GLRA2: variants seen among roughly 807,000 people sequenced by gnomAD.
GLRA2 encodes glycine receptor alpha 2, also known as glycine receptor subunit alpha-2.
Under a neutral mutation model 31.6 loss-of-function variants are expected in GLRA2, and 11 were observed. That is an observed-to-expected ratio of 0.35 (90% CI 0.22 to 0.58). The LOEUF is 0.58. Among genes scored for constraint, GLRA2 ranks in the 20% least tolerant of loss-of-function variants. GLRA2 has a pLI of 0.84. For missense variants in GLRA2, 212 were observed against 351.8 expected (o/e 0.60, Z 3.18); for synonymous variants, 132 against 134.0 (o/e 0.99, Z 0.10).
intron 2 of GLRA2, among the ~76,000 whole-genome samples, chrX:14,532,729 T>C (rs751843620): frequency 1.8e-5 from 2 of 111,906 alleles, no homozygotes; most frequent in Non-Finnish European, 1.9e-5. Context: ...ATTCAGTGGT[T>C]ACTCCAAAAT....
chrX:14,581,766 G>GCACACACACACA (rs57962541), intron 4 of GLRA2, among the ~76,000 whole-genome samples: 113 of 90,881 alleles, frequency 1.2e-3, no homozygotes, highest in African/African-American at 4.0e-3. Context: ...ATTCAAGCAT[G>GCACACACACACA]CACACACACA....
At chrX:14,571,251 T>C (rs1177095334) in intron 2 of GLRA2, among the ~76,000 whole-genome samples, 1 of 112,211 alleles carries the variant, frequency 8.9e-6, no homozygotes, top group Non-Finnish European at 1.9e-5. Flanking sequence ...TTTCCTTCTG[T>C]AGTTTACAGA....
intron 4 of GLRA2, among the ~76,000 whole-genome samples, chrX:14,586,358 C>A (rs1021417357): frequency 8.9e-6 from 1 of 112,299 alleles, no homozygotes; most frequent in African/African-American, 3.2e-5. Context: ...CATTTCTGTC[C>A]ATTTTTCTTT....
At chrX:14,490,765 G>A in the GLRA2 span, among the ~76,000 whole-genome samples, 1 of 111,867 alleles carries the variant, frequency 8.9e-6, no homozygotes, top group Admixed American at 9.5e-5. Flanking sequence ...GGGGTGGGAA[G>A]ATTGAAGAGA....
rs371041278 is a variant in GLRA2, at chrX:14,625,523, G to A, written c.930+16318G>A. 4.3e-4 allele frequency among the ~76,000 whole-genome samples: 48 copies of A among 111,427 alleles called. No homozygotes were observed. In the East Asian group the frequency reaches 9.9e-3, roughly 23 times the overall value. On this transcript the variant is annotated intron_variant, in intron 7 of 8. Transcript: ENST00000218075. Reference sequence around the variant, plus strand: ...TCCATGTTTAGTGCTTCCTTCAGGAGCTCTTGTAAGGCAGGCCTGGTGGTG... The same window carrying A: ...TCCATGTTTAGTGCTTCCTTCAGGAACTCTTGTAAGGCAGGCCTGGTGGTG...
At chrX:14,559,233 T>C (rs762366953) in intron 2 of GLRA2, among the ~76,000 whole-genome samples, 1 of 111,116 alleles carries the variant, frequency 9.0e-6, no homozygotes, top group South Asian at 3.8e-4. Context: ...ACATCCAGCA[T>C]GTTTACTTCT....
At chrX:14,557,361 C>T (rs924539926) in intron 2 of GLRA2, among the ~76,000 whole-genome samples, 2 of 110,270 alleles carry the variant, frequency 1.8e-5, no homozygotes, top group Admixed American at 9.6e-5. Context: ...GTGATCCGCC[C>T]GCCTCGGCCT....
chrX:14,703,021 C>T (rs372932625), intron 8 of GLRA2, among the ~76,000 whole-genome samples: 10 of 111,522 alleles, frequency 9.0e-5, no homozygotes, highest in African/African-American at 3.3e-4. Context: ...AGCAGCAGTG[C>T]CATGGGACCT....
chrX:14,513,722 C>G, the GLRA2 span, among the ~76,000 whole-genome samples: 1 of 111,615 alleles, frequency 9.0e-6, no homozygotes, highest in Non-Finnish European at 1.9e-5. Context: ...GCAATACCAC[C>G]TTACTCCTGC....
chrX:14,593,386 G>A (rs777171028), intron 4 of GLRA2, among the ~76,000 whole-genome samples: 3 of 112,032 alleles, frequency 2.7e-5, no homozygotes, highest in African/African-American at 9.7e-5. Context: ...AGTTCCACAT[G>A]AGATATACTC....
intron 3 of GLRA2, among the ~76,000 whole-genome samples, chrX:14,574,784 C>T (rs2089930459): frequency 8.9e-6 from 1 of 111,835 alleles, no homozygotes; most frequent in African/African-American, 3.2e-5. Context: ...ATTTTTAAAA[C>T]ATTTGATGTT....
At chrX:14,497,733 C>T in the GLRA2 span, among the ~76,000 whole-genome samples, 1 of 111,462 alleles carries the variant, frequency 9.0e-6, no homozygotes, top group African/African-American at 3.3e-5. Context: ...AAAATGTTGC[C>T]ATTTATTTGA....
chrX:14,718,522 A>G (rs757813981), intron 8 of GLRA2, among the ~76,000 whole-genome samples: 60 of 112,244 alleles, frequency 5.3e-4, no homozygotes, highest in African/African-American at 1.8e-3. Flanking sequence ...GGAATTTGTA[A>G]AAGGCAGAGT....
intron 8 of GLRA2, among the ~76,000 whole-genome samples, chrX:14,714,499 T>C (rs1261388320): frequency 1.8e-5 from 2 of 111,703 alleles, no homozygotes; most frequent in Non-Finnish European, 3.8e-5. Flanking sequence ...AACTAGGAGT[T>C]GTATAGCCCA....
rs1303050906 is a variant in GLRA2 at position 14,730,680 on chromosome X, T to G, written c.*195T>G. 1 of 416,394 alleles carries G rather than the reference T, an allele frequency of 2.4e-6. No homozygotes were observed. The highest frequency in any genetic ancestry group is 2.5e-5 in the African/African-American group (1 of 39,419). The allele number at this position is 416,394 out of a possible 1,213,427, so 34.3% of individuals were successfully genotyped here. On this transcript the variant is annotated 3_prime_UTR_variant, in exon 9 of 9. Coordinates refer to ENST00000218075, the MANE Select transcript of GLRA2 (RefSeq NM_002063.4). ...GGTGATGAAGAAAACTGCACAAAAT[T>G]AAGGGGTTGCAGAATCACGGGAGCA... is the stretch of plus-strand genomic sequence containing the variant.
chrX:14,584,582 A>G (rs759915445), intron 4 of GLRA2, among the ~76,000 whole-genome samples: 1 of 112,340 alleles, frequency 8.9e-6, no homozygotes, highest in South Asian at 3.7e-4. Flanking sequence ...TTGTGGAATA[A>G]AAGAAGCTGC....
intron 8 of GLRA2, among the ~76,000 whole-genome samples, chrX:14,717,818 G>A (rs1214656158): frequency 2.8e-5 from 3 of 108,806 alleles, no homozygotes; most frequent in African/African-American, 1.0e-4. Context: ...AGATTACTCA[G>A]TTATGAATCC....
At chrX:14,498,683 C>A in the GLRA2 span, among the ~76,000 whole-genome samples, 1 of 110,967 alleles carries the variant, frequency 9.0e-6, no homozygotes, top group Admixed American at 9.6e-5. Context: ...AGCCGCCCTA[C>A]TGATCCATCA....
At chrX:14,685,649 G>A (rs1326039850) in intron 7 of GLRA2, among the ~76,000 whole-genome samples, 1 of 111,545 alleles carries the variant, frequency 9.0e-6, no homozygotes, top group Non-Finnish European at 1.9e-5. Flanking sequence ...ATTTCTGTGG[G>A]ATCGGTGGTG....
Sources: allele counts gnomAD v4.1 joint callset (sites outside exome capture counted in the v4.1 genomes callset), GRCh38; gene constraint gnomAD v4.1.1; transcripts MANE v1.5; gene names NCBI Gene and HGNC (gene_info 2026-07-23, HGNC 2026-07-21).